The following HSF1 variants were observed in gnomAD, a reference collection of about 807,000 sequenced individuals.
HSF1 encodes the protein heat shock factor protein 1.
A neutral mutation model predicts 51.7 loss-of-function variants in HSF1; 32 were observed. The observed-to-expected ratio is 0.62, with a 90% CI of 0.47 to 0.83. The LOEUF is 0.83. Ranked by LOEUF, HSF1 falls within the 40% of genes least tolerant of loss-of-function variation. The probability of loss-of-function intolerance (pLI) is 0.00; values close to 1 mark genes in which losing one functional copy is unlikely to be tolerated. For synonymous variants in HSF1, 396 were observed against 309.7 expected (o/e 1.28, Z -2.92); for missense variants, 727 against 717.0 (o/e 1.01, Z -0.16).
At chr8:144,313,095 C>G (rs561270515) in intron 9 of HSF1, 1 of 395,848 alleles carries the variant, frequency 2.5e-6, no homozygotes, top group Non-Finnish European at 4.7e-6. Context: ...GCCACCAGAC[C>G]GTGGGTCTCA....
intron 4 of HSF1, 147 bp from the exon 5 acceptor site, chr8:144,311,027 C>G: frequency 2.8e-6 from 2 of 725,026 alleles, no homozygotes; most frequent in Admixed American, 5.4e-5. Context: ...TCCCTCCACA[C>G]ACAAGTTCTC....
intron 4 of HSF1, 150 bp downstream of exon 4, chr8:144,310,046 C>T (rs1190559703): frequency 1.2e-5 from 11 of 947,592 alleles, no homozygotes; most frequent in East Asian, 1.1e-4. Flanking sequence ...TCTGCCCCAG[C>T]CCCGCCGCCC....
At chr8:144,292,507 A>G (rs1412036631) in intron 1 of HSF1, 1 of 152,252 alleles carries the variant, frequency 6.6e-6, no homozygotes, top group Admixed American at 6.5e-5. Flanking sequence ...GCTTGTTTAC[A>G]TGGTCCGACC....
intron 2 of HSF1, 96 bp from the exon 3 acceptor site, chr8:144,309,359 G>A (rs1554843842): frequency 7.7e-6 from 12 of 1,552,550 alleles, no homozygotes; most frequent in African/African-American, 1.4e-5. Flanking sequence ...TCTGACCATG[G>A]CCAAGCCCCG....
Position 144,311,574 on chromosome 8 carries a change from G to A in HSF1, c.696G>A (p.Glu232=). 1 of 1,613,674 alleles carries A rather than the reference G, an allele frequency of 6.2e-7. No homozygotes were observed. ...AGTATAGCCGGCAGTTCTCCCTGGA[G>A]CACGTCCACGGCTCGGGCCCCTACT... The part of the protein sequence containing the change: ...MPKYSRQFSL[E]HVHGSGPYSA... The change falls in exon 7 of 13, where the codon GAG becomes GAA. Residue 232 remains glutamate (E), a synonymous_variant. Transcript: ENST00000528838.
chr8:144,291,652 C>T lies in HSF1; in HGVS notation c.-106C>T, dbSNP rs1815093991. 1.6e-6 allele frequency: 1 copy of T among 609,460 alleles called. No homozygotes were observed. The highest frequency in any genetic ancestry group is 2.5e-6 in the Non-Finnish European group (1 of 392,246). 37.8% of individuals were successfully genotyped at this position (609,460 alleles called of 1,614,324 possible). ...GCTGGGCCCCGGGGCTGTGTGTGCG[C>T]AGCGGGCGGCGGCGCGGCCCGGAAG... On this transcript the variant is annotated 5_prime_UTR_variant, in exon 1 of 13. It introduces an in-frame stop codon into an upstream open reading frame of the 5' UTR. Coordinates refer to ENST00000528838, the MANE Select transcript of HSF1 (RefSeq NM_005526.4). This position sits in a 1 kb window ranked among gnomAD's most constrained non-coding sequence, Gnocchi z 4.1.
intron 2 of HSF1, 82 bp downstream of exon 2, chr8:144,309,096 G>A (rs1816424094): frequency 1.8e-6 from 2 of 1,114,388 alleles, no homozygotes; most frequent in African/African-American, 3.1e-5. Context: ...ACCCTGTGAT[G>A]AAGGACGGGG....
intron 1 of HSF1, chr8:144,293,604 A>G (rs1052887678): frequency 6.6e-6 from 1 of 151,074 alleles, no homozygotes. Flanking sequence ...CACCCGGCTG[A>G]TTGTTGTATT....
At chr8:144,299,650 C>G (rs1554841913) in intron 1 of HSF1, among the ~76,000 whole-genome samples, 1 of 152,058 alleles carries the variant, frequency 6.6e-6, no homozygotes, top group Non-Finnish European at 1.5e-5. Flanking sequence ...TGGCTCACAC[C>G]TGTAATCCCA....
At chr8:144,302,450 T>C (rs782662601) in intron 1 of HSF1, among the ~76,000 whole-genome samples, 35 of 151,536 alleles carry the variant, frequency 2.3e-4, no homozygotes, top group Non-Finnish European at 3.7e-4. Flanking sequence ...GAGGTTGCAG[T>C]GAGCTGAGAT....
intron 4 of HSF1, 96 bp from the exon 5 acceptor site, chr8:144,311,078 C>T: frequency 8.5e-7 from 1 of 1,180,930 alleles, no homozygotes; most frequent in Non-Finnish European, 1.2e-6. Context: ...ACACTTACCC[C>T]TGCTCCTGCA....
In HSF1 at chr8:144,311,316, C is replaced by T. The variant is rs906253097; in HGVS notation, c.565-5C>T. ...CCGGGGTAACTGTGTCCTCTCTCTC[C>T]ACAGCTCATTCAGTTCCTGATCTCA... is the stretch of plus-strand genomic sequence containing the variant. On this transcript the variant is annotated splice_region_variant and splice_polypyrimidine_tract_variant and intron_variant, in intron 5 of 12. Transcript: ENST00000528838. 2 of 1,613,962 alleles carry T rather than the reference C, an allele frequency of 1.2e-6. No individual in the cohort carries two copies. The highest frequency in any genetic ancestry group is 1.7e-6 in the Non-Finnish European group (2 of 1,180,010).
At chr8:144,296,819 A>G (rs1815496960) in intron 1 of HSF1, among the ~76,000 whole-genome samples, 1 of 151,522 alleles carries the variant, frequency 6.6e-6, no homozygotes, top group African/African-American at 2.4e-5. Flanking sequence ...AAAAAAAAAA[A>G]AAGAAGGCAC....
intron 4 of HSF1, 152 bp downstream of exon 4, chr8:144,310,048 C>G: frequency 3.2e-6 from 3 of 934,658 alleles, no homozygotes; most frequent in Non-Finnish European, 4.7e-6. Context: ...TGCCCCAGCC[C>G]CGCCGCCCGT....
rs1554843875 is a variant in HSF1 at position 144,309,465 on chromosome 8, G to A, written c.237G>A (p.Arg79=). The change falls in exon 3 of 13, where the codon CGG becomes CGA. Residue 79 remains arginine, a synonymous_variant. Transcript: ENST00000528838. ...FVRQLNMYGF[R]KVVHIEQGGL... Reference sequence around the variant, plus strand: ...CCCTGTTATGTGCAGATGGCTTCCGGAAAGTGGTCCACATCGAGCAGGGCG... The same window carrying A: ...CCCTGTTATGTGCAGATGGCTTCCGAAAAGTGGTCCACATCGAGCAGGGCG... The A allele has an allele frequency of 6.2e-7, 1 of 1,613,892 alleles. No individual in the cohort carries two copies. Among genetic ancestry groups the A allele is most frequent in the African/African-American group, 1.3e-5 (1 of 74,948 alleles).
rs570654993 is a variant in HSF1 at position 144,309,108 on chromosome 8, G to A, written c.226+94G>A. The A allele has an allele frequency of 1.6e-3, 1,649 of 1,017,746 alleles. 1 individual carries two copies. Among genetic ancestry groups the A allele is most frequent in the Admixed American group, 3.3e-3 (182 of 54,358 alleles). 63.0% of individuals were successfully genotyped at this position (1,017,746 alleles called of 1,614,324 possible). A position where few individuals can be genotyped will look rare whatever the true frequency, so the allele number is the denominator to read the frequency against. On this transcript the variant is annotated intron_variant, in intron 2 of 12. Coordinates refer to ENST00000528838, the MANE Select transcript of HSF1 (RefSeq NM_005526.4). ...AGGACCCTGTGATGAAGGACGGGGC[G>A]TCCTGTGCTGGCCAAGGGCATGGCG...
intron 1 of HSF1, among the ~76,000 whole-genome samples, chr8:144,303,360 C>G (rs1215501402): frequency 1.3e-5 from 2 of 151,952 alleles, no homozygotes; most frequent in African/African-American, 4.8e-5. Context: ...AGCTGTTGTT[C>G]CCAAGAGCAG....
intron 1 of HSF1, among the ~76,000 whole-genome samples, chr8:144,293,890 T>G (rs1815279770): frequency 6.6e-6 from 1 of 151,284 alleles, no homozygotes; most frequent in Non-Finnish European, 1.5e-5. Flanking sequence ...TGTTTCTGCT[T>G]AAAGATTATG....
intron 9 of HSF1, chr8:144,313,004 C>T (rs1816792506): frequency 1.9e-6 from 1 of 514,948 alleles, no homozygotes; most frequent in South Asian, 2.2e-5. Context: ...GGCAGGGTCT[C>T]CAGGGCACCT....
Sources: allele counts gnomAD v4.1 joint callset (sites outside exome capture counted in the v4.1 genomes callset), GRCh38; gene constraint gnomAD v4.1.1; non-coding constraint Gnocchi (gnomAD v3.1); transcripts MANE v1.5; gene names NCBI Gene and HGNC (gene_info 2026-07-23, HGNC 2026-07-21).